The following BNC2 variants were observed in gnomAD, a reference collection of about 807,000 sequenced individuals.
BNC2 encodes the protein zinc finger protein basonuclin-2.
Under a neutral mutation model 76.3 loss-of-function variants are expected in BNC2, and 20 were observed. The ratio of observed to expected loss-of-function variants is 0.26; its 90% CI spans 0.18 to 0.38. BNC2 has a LOEUF of 0.38. Ranked by LOEUF, BNC2 falls within the 10% of genes least tolerant of loss-of-function variation. The probability of loss-of-function intolerance (pLI) is 1.00; values close to 1 mark genes in which losing one functional copy is unlikely to be tolerated. For missense variants in BNC2, 1,382 were observed against 1,399.8 expected, an observed-to-expected ratio of 0.99 and a Z score of 0.20; for synonymous variants, 582 against 514.8, an observed-to-expected ratio of 1.13 and a Z score of -1.77.
At chr9:16,758,387 T>G (rs1009382987) in intron 1 of BNC2, among the ~76,000 whole-genome samples, 4 of 152,036 alleles carry the variant, frequency 2.6e-5, no homozygotes, top group African/African-American at 9.7e-5. Flanking sequence ...TCGCCCAGGC[T>G]GGAGTGCAGT....
intron 1 of BNC2, among the ~76,000 whole-genome samples, chr9:16,786,404 T>C (rs559886055): frequency 3.8e-4 from 58 of 152,066 alleles, no homozygotes; most frequent in African/African-American, 1.4e-3. Flanking sequence ...CTTAGAATTT[T>C]ACATACAAAG....
chr9:16,796,518 G>A (rs1159541324), intron 1 of BNC2, among the ~76,000 whole-genome samples: 3 of 150,298 alleles, frequency 2.0e-5, no homozygotes, highest in Non-Finnish European at 2.9e-5. Context: ...CTTGCAGTAA[G>A]CCGAGATCAC....
At chr9:16,861,922 G>C (rs904948610) in intron 1 of BNC2, among the ~76,000 whole-genome samples, 3 of 151,968 alleles carry the variant, frequency 2.0e-5, no homozygotes, top group Non-Finnish European at 4.4e-5. Flanking sequence ...CTGGGAGGTG[G>C]AGCTTGCAGT....
chr9:16,634,311 A>G lies in BNC2; in HGVS notation c.331-51226T>C, dbSNP rs192033498. ...CTTGCTTTACCTTGTCCGCTATTTA[A>G]AACATTCTGATTTGAAAGTATCACC... On this transcript the variant is annotated intron_variant, in intron 3 of 6. Transcript: ENST00000380672. Among the ~76,000 whole-genome samples the G allele has an allele frequency of 7.9e-4, 121 of 152,202 alleles. 1 individual carries two copies. The highest frequency in any genetic ancestry group is 3.4e-3 in the Middle Eastern group (1 of 294).
intron 2 of BNC2, among the ~76,000 whole-genome samples, chr9:16,728,710 T>C (rs1824422832): frequency 6.6e-6 from 1 of 151,804 alleles, no homozygotes; most frequent in Non-Finnish European, 1.5e-5. Flanking sequence ...GACCTTATAC[T>C]CTAAAGAGTA....
intron 1 of BNC2, among the ~76,000 whole-genome samples, chr9:16,870,421 T>G (rs1002375313): frequency 2.6e-5 from 4 of 151,704 alleles, no homozygotes; most frequent in Admixed American, 6.6e-5. Flanking sequence ...AGAGCTCGCC[T>G]CAGAAACTTG....
At chr9:16,809,253 C>A (rs1490839367) in intron 1 of BNC2, among the ~76,000 whole-genome samples, 2 of 152,120 alleles carry the variant, frequency 1.3e-5, no homozygotes, top group African/African-American at 4.8e-5. Flanking sequence ...AACAAGCCCC[C>A]TCCTGGATCA....
chr9:16,498,817 A>C, intron 5 of BNC2, among the ~76,000 whole-genome samples: 1 of 152,134 alleles, frequency 6.6e-6, no homozygotes. Context: ...GTCCAGCTCT[A>C]CCACTGATTC....
chr9:16,722,172 C>T (rs2134888147), intron 3 of BNC2, among the ~76,000 whole-genome samples: 1 of 152,336 alleles, frequency 6.6e-6, no homozygotes, highest in East Asian at 1.9e-4. Context: ...TTGGAATCAG[C>T]TCCCTGTGTC....
At chr9:16,608,925 A>G (rs749118294) in intron 3 of BNC2, among the ~76,000 whole-genome samples, 4 of 152,176 alleles carry the variant, frequency 2.6e-5, no homozygotes, top group African/African-American at 4.8e-5. Context: ...ATATTTTATA[A>G]TGTTTTTATT....
intron 1 of BNC2, among the ~76,000 whole-genome samples, chr9:16,754,103 T>C (rs897920028): frequency 1.3e-4 from 20 of 152,172 alleles, no homozygotes; most frequent in Non-Finnish European, 2.6e-4. Flanking sequence ...TAACCGACAC[T>C]CTCAGAACTG....
intron 5 of BNC2, among the ~76,000 whole-genome samples, chr9:16,496,572 C>T (rs1822393574): frequency 6.6e-6 from 1 of 152,202 alleles, no homozygotes; most frequent in Non-Finnish European, 1.5e-5. Context: ...TGCCTAAGAA[C>T]AGACATCTAA....
rs550793277 is a variant in BNC2, at chr9:16,659,381, G to T, written c.330+68416C>A. 1.3e-5 allele frequency among the ~76,000 whole-genome samples: 2 copies of T among 152,094 alleles called. 1 individual carries two copies. The highest frequency in any genetic ancestry group is 4.2e-4 in the South Asian group (2 of 4,808). ...TCACAGCACTTTGGGGGGCCGAGGT[G>T]GGCAGATCAGGAGGTCAGGAGATTG... is the stretch of plus-strand genomic sequence containing the variant. On this transcript the variant is annotated intron_variant, in intron 3 of 6. Coordinates refer to ENST00000380672, the MANE Select transcript of BNC2 (RefSeq NM_017637.6).
At chr9:16,693,011 T>A (rs1313629568) in intron 3 of BNC2, among the ~76,000 whole-genome samples, 1 of 78,562 alleles carries the variant, frequency 1.3e-5, no homozygotes, top group Non-Finnish European at 4.8e-5. Context: ...GCACCTGTAA[T>A]CCCAGCTACT....
chr9:16,432,505 C>T (rs752917981), intron 6 of BNC2, among the ~76,000 whole-genome samples: 1 of 152,182 alleles, frequency 6.6e-6, no homozygotes, highest in African/African-American at 2.4e-5. Flanking sequence ...GGGAGAAGCC[C>T]AGGCAGACCT....
chr9:16,655,327 T>C (rs1346640304), intron 3 of BNC2, among the ~76,000 whole-genome samples: 4 of 152,156 alleles, frequency 2.6e-5, no homozygotes, highest in East Asian at 1.9e-4. Flanking sequence ...ACAGTGCTTA[T>C]TGCTAAATCC....
chr9:16,830,868 T>G (rs373555796), intron 1 of BNC2, among the ~76,000 whole-genome samples: 5 of 152,230 alleles, frequency 3.3e-5, no homozygotes, highest in African/African-American at 1.2e-4. Flanking sequence ...CTAAGGATTC[T>G]TGGAGGCTGA....
At chr9:16,597,628 G>A (rs1439189497) in intron 3 of BNC2, among the ~76,000 whole-genome samples, 1 of 151,984 alleles carries the variant, frequency 6.6e-6, no homozygotes, top group Non-Finnish European at 1.5e-5. Context: ...GTTATTTCAT[G>A]GAAAAGTGTC....
At chr9:16,453,614 C>A (rs941470074) in intron 5 of BNC2, among the ~76,000 whole-genome samples, 9 of 152,274 alleles carry the variant, frequency 5.9e-5, no homozygotes, top group Admixed American at 5.9e-4. Flanking sequence ...GGTGCTTTTT[C>A]TAAAGTGCAC....
Sources: gnomAD v4.1 joint callset for allele counts (sites outside exome capture counted in the v4.1 genomes callset) on GRCh38, gnomAD v4.1.1 for gene constraint, MANE v1.5 for transcripts, NCBI Gene and HGNC (gene_info 2026-07-23, HGNC 2026-07-21) for gene names.